KHDRBS2: variants seen among roughly 807,000 people sequenced by gnomAD.
The protein encoded by KHDRBS2 is KH domain-containing, RNA-binding, signal transduction-associated protein 2.
Under a neutral mutation model 44.3 loss-of-function variants are expected in KHDRBS2, and 26 were observed. The ratio of observed to expected loss-of-function variants is 0.59; its 90% CI spans 0.43 to 0.81. KHDRBS2 has a LOEUF of 0.81. Ranked by LOEUF, KHDRBS2 falls within the 40% of genes least tolerant of loss-of-function variation. The pLI is 0.00. For missense variants in KHDRBS2, 476 were observed against 433.1 expected (o/e 1.10, Z -0.88); for synonymous variants, 194 against 151.1 (o/e 1.28, Z -2.08).
At chr6:61,788,995 C>T (rs905310682) in intron 6 of KHDRBS2, among the ~76,000 whole-genome samples, 9 of 151,312 alleles carry the variant, frequency 5.9e-5, no homozygotes, top group Non-Finnish European at 1.2e-4. Flanking sequence ...TTTTAATCAT[C>T]GCTTTATCAC....
chr6:61,552,374 C>A, the KHDRBS2 span, among the ~76,000 whole-genome samples: 1 of 152,100 alleles, frequency 6.6e-6, no homozygotes, highest in African/African-American at 2.4e-5. Context: ...TATACTAAAA[C>A]TTTGCTGAAG....
At chr6:61,576,469 G>T in the KHDRBS2 span, among the ~76,000 whole-genome samples, 1 of 152,130 alleles carries the variant, frequency 6.6e-6, no homozygotes, top group African/African-American at 2.4e-5. Context: ...GAGCCTTGTG[G>T]AGGAGTCTTT....
At position 61,913,546 on chromosome 6, in the gene KHDRBS2, G is replaced by A. The variant is rs1806421476; in HGVS notation, c.484-12175C>T. Among the ~76,000 whole-genome samples the A allele has an allele frequency of 1.3e-5, 2 of 151,360 alleles. 1 individual carries two copies. The highest frequency in any genetic ancestry group is 4.2e-4 in the South Asian group (2 of 4,816). ...TATAGTAAATAAAACAAATATGCTT[G>A]CTTATTTATATATACGTTCTAGGTG... On this transcript the variant is annotated intron_variant, in intron 4 of 8. Transcript: ENST00000281156.
the KHDRBS2 span, among the ~76,000 whole-genome samples, chr6:61,576,331 T>C: frequency 6.6e-6 from 1 of 152,130 alleles, no homozygotes; most frequent in Non-Finnish European, 1.5e-5. Context: ...TAGGTATATA[T>C]ATTTTTTGTA....
chr6:62,119,968 C>A (rs1408465905), intron 2 of KHDRBS2, among the ~76,000 whole-genome samples: 1 of 152,156 alleles, frequency 6.6e-6, no homozygotes, highest in Non-Finnish European at 1.5e-5. Flanking sequence ...CCCAAAAGAA[C>A]TGCTTGAGTT....
intron 6 of KHDRBS2, among the ~76,000 whole-genome samples, chr6:61,819,392 T>A (rs1407575999): frequency 6.6e-6 from 1 of 152,090 alleles, no homozygotes; most frequent in Non-Finnish European, 1.5e-5. Flanking sequence ...TGGAGCTTAC[T>A]TTGTCCCTAC....
At chr6:61,926,542 A>T (rs1339719774) in intron 4 of KHDRBS2, among the ~76,000 whole-genome samples, 1 of 152,154 alleles carries the variant, frequency 6.6e-6, no homozygotes, top group Non-Finnish European at 1.5e-5. Context: ...TTAAACAAGG[A>T]AAGAATGGCA....
At position 61,960,950 on chromosome 6, in the gene KHDRBS2, G is replaced by A. The variant is rs115847448; in HGVS notation, c.483+17116C>T. Among the ~76,000 whole-genome samples, 1,410 of 152,144 alleles carry A rather than the reference G, an allele frequency of 9.3e-3. 24 individuals are homozygous for A. Among genetic ancestry groups the A allele is most frequent in the African/African-American group, 0.032 (1,328 of 41,530 alleles). On this transcript the variant is annotated intron_variant, in intron 4 of 8. Transcript: ENST00000281156. ...AAAAGTAAAGAGCATCATGCAGACT[G>A]GGGAGTAGAAATCAGAATTTATAAT...
rs1161401653 is a variant in KHDRBS2, at chr6:61,839,726, A to C, written c.810+54909T>G. On this transcript the variant is annotated intron_variant, in intron 6 of 8. Transcript: ENST00000281156. Reference sequence around the variant, plus strand: ...TTAACAAGTTATTGAAAGTGGGTGAAAGATCAAGAACACAGGTGTTTTGAT... The same window carrying C: ...TTAACAAGTTATTGAAAGTGGGTGACAGATCAAGAACACAGGTGTTTTGAT... Among the ~76,000 whole-genome samples the C allele has an allele frequency of 2.0e-5, 3 of 152,126 alleles. No homozygotes were observed. In the East Asian group the frequency reaches 5.8e-4, roughly 29 times the overall value.
intron 7 of KHDRBS2, among the ~76,000 whole-genome samples, chr6:61,715,419 G>A (rs570463123): frequency 2.0e-5 from 3 of 151,122 alleles, no homozygotes; most frequent in African/African-American, 4.9e-5. Flanking sequence ...CCTTCCTATC[G>A]CCTCAGCTAT....
rs535011203 is a variant in KHDRBS2, at chr6:61,788,282, C to A, written c.811-55518G>T. 1.7e-4 allele frequency among the ~76,000 whole-genome samples: 26 copies of A among 151,558 alleles called. No individual in the cohort carries two copies. The East Asian group carries it at 4.8e-3, about 28-fold the overall frequency. ...AAGAAATATTGGGGAAGAAAAATTA[C>A]TGAAGACTTTTACCACTTCTAGCTT... On this transcript the variant is annotated intron_variant, in intron 6 of 8. Coordinates refer to ENST00000281156, the MANE Select transcript of KHDRBS2 (RefSeq NM_152688.4).
intron 2 of KHDRBS2, among the ~76,000 whole-genome samples, chr6:62,077,193 A>T (rs1584547454): frequency 6.6e-6 from 1 of 152,186 alleles, no homozygotes; most frequent in Non-Finnish European, 1.5e-5. Context: ...CTGAAGAGCA[A>T]GGACCATATT....
chr6:61,876,761 A>G (rs1349159833), intron 6 of KHDRBS2, among the ~76,000 whole-genome samples: 2 of 152,072 alleles, frequency 1.3e-5, no homozygotes, highest in Non-Finnish European at 2.9e-5. Context: ...AGTAAATTTG[A>G]CATGGTTTTA....
At position 61,756,175 on chromosome 6, in the gene KHDRBS2, A is replaced by C. The variant is rs576393096; in HGVS notation, c.811-23411T>G. On this transcript the variant is annotated intron_variant, in intron 6 of 8. Transcript: ENST00000281156. ...AGTCTAATAGACTCACAGATATAAT[A>C]ATTGAATTAGAAACTAATTTTTTAT... Among the ~76,000 whole-genome samples, 379 of 152,290 alleles carry C rather than the reference A, an allele frequency of 2.5e-3. 1 individual carries two copies. Among genetic ancestry groups the C allele is most frequent in the Non-Finnish European group, 3.8e-3 (261 of 68,020 alleles).
chr6:62,166,883 C>T (rs954286193), intron 2 of KHDRBS2, among the ~76,000 whole-genome samples: 6 of 151,944 alleles, frequency 3.9e-5, no homozygotes, highest in Non-Finnish European at 8.8e-5. Context: ...TGTAGAGAAG[C>T]TTACTGAAGG....
chr6:61,572,518 C>CA, the KHDRBS2 span, among the ~76,000 whole-genome samples: 56 of 151,484 alleles, frequency 3.7e-4, no homozygotes, highest in African/African-American at 1.2e-3. Context: ...AACAAACAAA[C>CA]AAAAAAAACT....
intron 6 of KHDRBS2, among the ~76,000 whole-genome samples, chr6:61,763,516 C>A (rs1375268952): frequency 7.2e-5 from 11 of 152,092 alleles, no homozygotes; most frequent in Admixed American, 7.2e-4. Context: ...AATTTCCGAC[C>A]AAGTTCTAAA....
At chr6:61,661,804 T>C in the KHDRBS2 span, among the ~76,000 whole-genome samples, 3 of 151,932 alleles carry the variant, frequency 2.0e-5, no homozygotes, top group Non-Finnish European at 4.4e-5. Context: ...ATCAATATCG[T>C]GAAAATGGCC....
intron 4 of KHDRBS2, among the ~76,000 whole-genome samples, chr6:61,973,571 G>A (rs1771877342): frequency 6.6e-6 from 1 of 152,084 alleles, no homozygotes; most frequent in African/African-American, 2.4e-5. Flanking sequence ...CTATCACTAA[G>A]ACACACATCC....
Sources: gnomAD v4.1 joint callset for allele counts (sites outside exome capture counted in the v4.1 genomes callset) on GRCh38, gnomAD v4.1.1 for gene constraint, MANE v1.5 for transcripts, NCBI Gene and HGNC (gene_info 2026-07-23, HGNC 2026-07-21) for gene names.